CHRM2: variants seen among roughly 807,000 people sequenced by gnomAD.
CHRM2 encodes muscarinic acetylcholine receptor M2.
CHRM2 carries 8 observed loss-of-function variants against 25.0 expected under a neutral mutation model. That is an observed-to-expected ratio of 0.32 (90% CI 0.19 to 0.58). The LOEUF is 0.58. Ranked by LOEUF, CHRM2 falls within the 20% of genes least tolerant of loss-of-function variation. CHRM2 has a pLI of 0.88. For synonymous variants in CHRM2, 202 were observed against 205.7 expected (o/e 0.98, Z 0.15); for missense variants, 440 against 567.1 (o/e 0.78, Z 2.28).
intron 2 of CHRM2, among the ~76,000 whole-genome samples, chr7:136,932,026 C>A (rs1056261086): frequency 2.6e-5 from 4 of 152,134 alleles, no homozygotes; most frequent in African/African-American, 9.7e-5. Flanking sequence ...TTGGAAAACT[C>A]TCTCTGTACC....
intron 2 of CHRM2, among the ~76,000 whole-genome samples, chr7:136,956,812 T>A (rs776252509): frequency 1.1e-4 from 14 of 128,692 alleles, no homozygotes; most frequent in Non-Finnish European, 2.2e-4. Flanking sequence ...GGAGGGGGAA[T>A]GGGATCATAT....
At chr7:136,885,201 T>G (rs560295176) in intron 2 of CHRM2, among the ~76,000 whole-genome samples, 14 of 152,350 alleles carry the variant, frequency 9.2e-5, no homozygotes, top group African/African-American at 3.4e-4. Context: ...CATCCCTCCT[T>G]AGCAATGGAC....
At chr7:136,876,466 C>T (rs1273593898) in intron 2 of CHRM2, among the ~76,000 whole-genome samples, 2 of 152,008 alleles carry the variant, frequency 1.3e-5, no homozygotes, top group Admixed American at 6.6e-5. Flanking sequence ...TTTTTAAAAC[C>T]ACTTTCTATT....
chr7:136,962,952 T>C (rs1801190696), intron 2 of CHRM2, among the ~76,000 whole-genome samples: 1 of 152,208 alleles, frequency 6.6e-6, no homozygotes, highest in South Asian at 2.1e-4. Context: ...TACCCACTTG[T>C]AGGAAAATTA....
chr7:136,972,695 T>C (rs1801854338), intron 2 of CHRM2, among the ~76,000 whole-genome samples: 1 of 152,002 alleles, frequency 6.6e-6, no homozygotes, highest in Non-Finnish European at 1.5e-5. Flanking sequence ...TGGTAAGTAA[T>C]GATGGTGATG....
intron 2 of CHRM2, among the ~76,000 whole-genome samples, chr7:136,925,951 T>C (rs1228352220): frequency 6.6e-6 from 1 of 152,178 alleles, no homozygotes; most frequent in East Asian, 1.9e-4. Flanking sequence ...ACTTATAGTC[T>C]AGCTAGCCAG....
At chr7:136,977,754 G>T (rs1051904424) in intron 2 of CHRM2, among the ~76,000 whole-genome samples, 2 of 152,124 alleles carry the variant, frequency 1.3e-5, no homozygotes, top group Non-Finnish European at 2.9e-5. Flanking sequence ...TGTTCCACTT[G>T]TCAATCATTT....
Position 136,869,525 on chromosome 7 carries a change from G to C in CHRM2, c.-125+107G>C, listed in dbSNP as rs1239905998. On this transcript the variant is annotated intron_variant, in intron 2 of 3. Transcript: ENST00000680005. The surrounding 1 kb of genome is among the most constrained non-coding windows in gnomAD (Gnocchi z 4.9). ...CCAAGCCGGAGGCTCAGGGGTCGGGGCTTGGGGGAATTGGAGGGAGGTCCT... is the reference window on the plus strand; with the variant it reads ...CCAAGCCGGAGGCTCAGGGGTCGGGCCTTGGGGGAATTGGAGGGAGGTCCT... 6.6e-6 allele frequency: 1 copy of C among 152,448 alleles called. No homozygotes were observed. The highest frequency in any genetic ancestry group is 1.5e-5 in the Non-Finnish European group (1 of 68,244). 9.4% of individuals were successfully genotyped at this position (152,448 alleles called of 1,614,324 possible).
At chr7:136,902,517 A>G (rs935367417) in intron 2 of CHRM2, 2 of 152,098 alleles carry the variant, frequency 1.3e-5, no homozygotes, top group African/African-American at 4.8e-5. Context: ...GGGATAGGGT[A>G]TTAAACACAA....
chr7:136,984,220 A>T (rs1313539362), intron 2 of CHRM2, among the ~76,000 whole-genome samples: 1 of 152,140 alleles, frequency 6.6e-6, no homozygotes, highest in Non-Finnish European at 1.5e-5. Flanking sequence ...CACACTTCCC[A>T]GAGGCTTTGT....
chr7:136,904,939 T>C (rs1797449247), intron 2 of CHRM2, among the ~76,000 whole-genome samples: 1 of 151,900 alleles, frequency 6.6e-6, no homozygotes, highest in Admixed American at 6.6e-5. Context: ...TAATTTAGAG[T>C]GAGTATATTT....
rs558175380 is a variant in CHRM2, at chr7:136,911,413, T to A, written c.-125+41995T>A. Among the ~76,000 whole-genome samples, 8 of 152,052 alleles carry A rather than the reference T, an allele frequency of 5.3e-5. No homozygotes were observed. The South Asian group carries it at 1.7e-3, about 32-fold the overall frequency. ...ATGCCATTATGTTTCTCAATTTACA[T>A]TTGAGGAAACTAAGGATCAGAATAC... is the stretch of plus-strand genomic sequence containing the variant. On this transcript the variant is annotated intron_variant, in intron 2 of 3. Coordinates refer to ENST00000680005, the MANE Select transcript of CHRM2 (RefSeq NM_001006630.2).
intron 2 of CHRM2, among the ~76,000 whole-genome samples, chr7:136,923,232 TA>T (rs1399167050): frequency 4.1e-5 from 6 of 148,016 alleles, no homozygotes; most frequent in South Asian, 2.1e-4. Flanking sequence ...ATAAATGATT[TA>T]AAAAAAAATA....
At chr7:136,975,420 G>A (rs181565998) in intron 2 of CHRM2, among the ~76,000 whole-genome samples, 2 of 152,234 alleles carry the variant, frequency 1.3e-5, no homozygotes, top group African/African-American at 4.8e-5. Flanking sequence ...ACAGGCCCCA[G>A]TAGAGAAGGA....
chr7:136,955,067 G>A (rs953220698), intron 2 of CHRM2, among the ~76,000 whole-genome samples: 5 of 152,138 alleles, frequency 3.3e-5, no homozygotes, highest in African/African-American at 7.2e-5. Context: ...GGACATTCTC[G>A]CATAGTTGTG....
intron 2 of CHRM2, among the ~76,000 whole-genome samples, chr7:136,970,090 C>A (rs1206083103): frequency 6.6e-6 from 1 of 152,082 alleles, no homozygotes; most frequent in African/African-American, 2.4e-5. Context: ...CTCATCTAAC[C>A]CTAATTACAT....
chr7:137,003,990 C>A (rs894788725), intron 3 of CHRM2, among the ~76,000 whole-genome samples: 1 of 152,102 alleles, frequency 6.6e-6, no homozygotes, highest in Non-Finnish European at 1.5e-5. Context: ...AAGGTCCTTC[C>A]AGTCCTGTGA....
intron 2 of CHRM2, among the ~76,000 whole-genome samples, chr7:136,892,573 G>T (rs1049435372): frequency 6.6e-6 from 1 of 151,926 alleles, no homozygotes; most frequent in Non-Finnish European, 1.5e-5. Flanking sequence ...GTTTGATAAA[G>T]GCCTAAGTAC....
intron 2 of CHRM2, among the ~76,000 whole-genome samples, chr7:136,909,980 A>G (rs1251744066): frequency 6.6e-6 from 1 of 151,770 alleles, no homozygotes; most frequent in Non-Finnish European, 1.5e-5. Context: ...GTACATACAC[A>G]TACACCCCCC....
Sources: gnomAD v4.1 joint callset for allele counts (sites outside exome capture counted in the v4.1 genomes callset) on GRCh38, gnomAD v4.1.1 for gene constraint, Gnocchi (gnomAD v3.1) non-coding constraint, MANE v1.5 for transcripts, NCBI Gene and HGNC (gene_info 2026-07-23, HGNC 2026-07-21) for gene names.